Variants in CLSTN2 observed in about 807,000 individuals in gnomAD.
CLSTN2 encodes the protein calsyntenin 2.
CLSTN2 carries 48 observed loss-of-function variants against 101.2 expected under a neutral mutation model. That is an observed-to-expected ratio of 0.47 (90% CI 0.38 to 0.60). The LOEUF is 0.60. CLSTN2 is among the 20% of genes least tolerant of loss of function. The probability of loss-of-function intolerance (pLI) is 0.00; values close to 1 mark genes in which losing one functional copy is unlikely to be tolerated. For synonymous variants in CLSTN2, 481 were observed against 463.6 expected (o/e 1.04, Z -0.48); for missense variants, 1,160 against 1,238.2 (o/e 0.94, Z 0.95).
At chr3:140,170,574 C>T (rs1210509383) in intron 1 of CLSTN2, among the ~76,000 whole-genome samples, 2 of 152,092 alleles carry the variant, frequency 1.3e-5, no homozygotes, top group Non-Finnish European at 2.9e-5. Flanking sequence ...TGTCAAATAC[C>T]TAATATGTGA....
At chr3:140,343,354 T>C (rs185990536) in intron 2 of CLSTN2, among the ~76,000 whole-genome samples, 3 of 152,340 alleles carry the variant, frequency 2.0e-5, no homozygotes, top group Non-Finnish European at 4.4e-5. Flanking sequence ...CTGATCCTAA[T>C]AATAGCTAAC....
intron 1 of CLSTN2, among the ~76,000 whole-genome samples, chr3:140,090,430 T>C (rs1239576937): frequency 2.6e-5 from 4 of 152,122 alleles, no homozygotes; most frequent in Non-Finnish European, 4.4e-5. Flanking sequence ...TGAGCCACCA[T>C]GCCTGGCCTT....
At chr3:140,257,636 T>G (rs2086615553) in intron 2 of CLSTN2, among the ~76,000 whole-genome samples, 1 of 151,714 alleles carries the variant, frequency 6.6e-6, no homozygotes, top group African/African-American at 2.4e-5. Flanking sequence ...ACACAATTAT[T>G]TTTCCGTATA....
At chr3:140,293,293 G>T (rs529999686) in intron 2 of CLSTN2, among the ~76,000 whole-genome samples, 70 of 152,136 alleles carry the variant, frequency 4.6e-4, no homozygotes, top group Non-Finnish European at 9.3e-4. Flanking sequence ...CAGCACGGAG[G>T]GGCAGTTGGC....
intron 2 of CLSTN2, among the ~76,000 whole-genome samples, chr3:140,287,439 T>C (rs1005121996): frequency 2.6e-5 from 4 of 152,168 alleles, no homozygotes; most frequent in African/African-American, 9.7e-5. Context: ...AGAATTCTTG[T>C]TATCTTGATT....
At chr3:140,287,934 A>G (rs1207313073) in intron 2 of CLSTN2, among the ~76,000 whole-genome samples, 1 of 152,180 alleles carries the variant, frequency 6.6e-6, no homozygotes, top group Non-Finnish European at 1.5e-5. Context: ...GCCAAATAAC[A>G]CTTCAAAATC....
At chr3:140,340,142 T>C (rs1262798096) in intron 2 of CLSTN2, among the ~76,000 whole-genome samples, 1 of 152,262 alleles carries the variant, frequency 6.6e-6, no homozygotes, top group African/African-American at 2.4e-5. Context: ...AGGCTGCATG[T>C]ATCCTTTATA....
intron 4 of CLSTN2, among the ~76,000 whole-genome samples, chr3:140,420,529 T>C (rs2088490048): frequency 6.6e-6 from 1 of 152,142 alleles, no homozygotes; most frequent in Non-Finnish European, 1.5e-5. Context: ...CAGAAAAAAG[T>C]TACTTGGTCT....
rs1385322901 is a variant in CLSTN2, at chr3:140,233,489, AT to A, written c.232+57418del. On this transcript the variant is annotated intron_variant, in intron 2 of 16. Transcript: ENST00000458420. ...GACTCTCTGAGAAAAGGAATACTTC[AT>A]TATTTATCCCATATTTATCTTACCT... Among the ~76,000 whole-genome samples the A allele has an allele frequency of 1.5e-4, 23 of 152,268 alleles. No homozygotes were observed. In the East Asian group the frequency reaches 4.3e-3, roughly 28 times the overall value.
chr3:140,446,568 T>A (rs1261758967), intron 5 of CLSTN2, among the ~76,000 whole-genome samples: 3 of 152,184 alleles, frequency 2.0e-5, no homozygotes, highest in Non-Finnish European at 4.4e-5. Flanking sequence ...CCCTACTGCA[T>A]GCTATGTACA....
At chr3:140,008,379 C>T (rs536217757) in intron 1 of CLSTN2, among the ~76,000 whole-genome samples, 39 of 152,380 alleles carry the variant, frequency 2.6e-4, no homozygotes, top group African/African-American at 8.9e-4. Context: ...CGCCTCTGCT[C>T]CTGCAGCCTG....
chr3:140,117,190 C>T (rs1052850592), intron 1 of CLSTN2, among the ~76,000 whole-genome samples: 3 of 152,270 alleles, frequency 2.0e-5, no homozygotes, highest in Non-Finnish European at 4.4e-5. Context: ...GCCTTCTCCA[C>T]GATGAAGAAT....
chr3:140,131,430 G>A (rs1317898), intron 1 of CLSTN2, among the ~76,000 whole-genome samples: 112,632 of 151,908 alleles, frequency 0.74, 43,673 homozygotes, highest in East Asian at 0.92. Flanking sequence ...AATTATGCGT[G>A]TGTTGAACAT....
chr3:140,058,794 G>T (rs115186596), intron 1 of CLSTN2, among the ~76,000 whole-genome samples: 8,845 of 150,922 alleles, frequency 0.059, 839 homozygotes, highest in African/African-American at 0.19. Context: ...AAAAAAAAAA[G>T]GTCAGGTGGG....
chr3:140,069,614 T>G lies in CLSTN2; in HGVS notation c.110-106337T>G, dbSNP rs112541877. On this transcript the variant is annotated intron_variant, in intron 1 of 16. Coordinates refer to ENST00000458420, the MANE Select transcript of CLSTN2 (RefSeq NM_022131.3). ...CTCCACTAATCCCTATAGCCATGCT[T>G]GGGAGGTGTTCATGTTGCCCTTTTA... is the stretch of plus-strand genomic sequence containing the variant. Among the ~76,000 whole-genome samples the G allele has an allele frequency of 7.0e-4, 107 of 152,340 alleles. 1 individual carries two copies. The highest frequency in any genetic ancestry group is 2.5e-3 in the African/African-American group (105 of 41,578).
At chr3:140,136,605 T>A (rs777092245) in intron 1 of CLSTN2, among the ~76,000 whole-genome samples, 9 of 152,210 alleles carry the variant, frequency 5.9e-5, no homozygotes, top group Non-Finnish European at 1.2e-4. Context: ...GTACTTGAGC[T>A]GGAATCTTGA....
chr3:140,257,561 GGTGTGT>G (rs397877641), intron 2 of CLSTN2, among the ~76,000 whole-genome samples: 40 of 93,060 alleles, frequency 4.3e-4, no homozygotes, highest in Admixed American at 2.3e-3. Flanking sequence ...TCTTTCTAGG[GGTGTGT>G]GTGTGTGTGT....
chr3:140,473,736 T>G (rs1338658973), intron 8 of CLSTN2, among the ~76,000 whole-genome samples: 1 of 85,070 alleles, frequency 1.2e-5, no homozygotes, highest in Non-Finnish European at 3.9e-5. Context: ...TCTATGGGGG[T>G]TTTTTGTGTT....
chr3:140,466,001 C>T (rs12637548), intron 7 of CLSTN2, among the ~76,000 whole-genome samples: 18,364 of 152,188 alleles, frequency 0.12, 1,719 homozygotes, highest in African/African-American at 0.26. Flanking sequence ...TAGAGGAAAA[C>T]TTCCCATTAA....
Sources: gnomAD v4.1 joint callset for allele counts (sites outside exome capture counted in the v4.1 genomes callset) on GRCh38, gnomAD v4.1.1 for gene constraint, MANE v1.5 for transcripts, NCBI Gene and HGNC (gene_info 2026-07-23, HGNC 2026-07-21) for gene names.